The following XIRP2 variants were observed in gnomAD, a reference collection of about 807,000 sequenced individuals.
XIRP2 encodes the protein xin actin binding repeat containing 2, also known as xin actin-binding repeat-containing protein 2.
In XIRP2, 236 loss-of-function variants were observed where a neutral mutation model predicts 277.0. The observed-to-expected ratio is 0.85, with a 90% CI of 0.77 to 0.95. The LOEUF (loss-of-function observed/expected upper bound fraction) is 0.95, where lower values mean the gene tolerates loss of function less well. Ranked by LOEUF, XIRP2 falls within the 40% of genes least tolerant of loss-of-function variation. The pLI is 0.00. For synonymous variants in XIRP2, 1,490 were observed against 1,416.5 expected (o/e 1.05, Z -1.17); for missense variants, 4,640 against 4,157.5 (o/e 1.12, Z -3.19).
At chr2:167,188,936 AAAAATG>A (rs1693243740) in intron 3 of XIRP2, among the ~76,000 whole-genome samples, 1 of 152,186 alleles carries the variant, frequency 6.6e-6, no homozygotes, top group Non-Finnish European at 1.5e-5. Flanking sequence ...ATGTTCATGG[AAAAATG>A]TCAGTTTGGG....
At chr2:166,912,931 C>T (rs1167901083) in intron 2 of XIRP2, among the ~76,000 whole-genome samples, 1 of 152,158 alleles carries the variant, frequency 6.6e-6, no homozygotes, top group Non-Finnish European at 1.5e-5. Flanking sequence ...TATTGCTGAA[C>T]AGCAAATGTT....
chr2:167,033,889 A>G (rs971682097), intron 2 of XIRP2, among the ~76,000 whole-genome samples: 2 of 152,216 alleles, frequency 1.3e-5, no homozygotes, highest in African/African-American at 4.8e-5. Context: ...AAATTCTTCA[A>G]TCTGAAAGAA....
Position 167,254,121 on chromosome 2 carries a change from T to C in XIRP2, c.10645T>C (p.Ser3549Pro), listed in dbSNP as rs1695594437. Residue 3549 changes from serine (S) to proline (P), a missense_variant, in exon 10 of 11, where the codon TCA (serine) becomes CCA (proline). Physicochemically the swap from Ser to Pro is moderately conservative, Grantham distance 74. Coordinates refer to ENST00000409195, the MANE Select transcript of XIRP2 (RefSeq NM_152381.6). ...GCCTAGTGGCAGACAAGCAGAATTT[T>C]CATAAGTCCTGCTTCCGATGCCACC... ...GVPSGRQAEF[S>P] 1 of 1,610,824 alleles carries C rather than the reference T, an allele frequency of 6.2e-7. No individual in the cohort carries two copies. Among genetic ancestry groups the C allele is most frequent in the Non-Finnish European group, 8.5e-7 (1 of 1,178,208 alleles).
chr2:167,091,824 T>A (rs1690156551), intron 2 of XIRP2, among the ~76,000 whole-genome samples: 1 of 152,158 alleles, frequency 6.6e-6, no homozygotes, highest in African/African-American at 2.4e-5. Flanking sequence ...CAATCAGGGA[T>A]TGAGATCATT....
intron 2 of XIRP2, among the ~76,000 whole-genome samples, chr2:167,078,575 G>A (rs1269093213): frequency 1.3e-5 from 2 of 152,028 alleles, no homozygotes; most frequent in Non-Finnish European, 2.9e-5. Flanking sequence ...GGTGGCTCAC[G>A]CCTGTAATCC....
At chr2:167,229,673 C>T (rs1351996971) in intron 5 of XIRP2, among the ~76,000 whole-genome samples, 1 of 152,000 alleles carries the variant, frequency 6.6e-6, no homozygotes, top group Non-Finnish European at 1.5e-5. Flanking sequence ...TCAAGCTTCT[C>T]TATTCTTTTT....
chr2:167,087,093 G>T (rs1689974507), intron 2 of XIRP2, among the ~76,000 whole-genome samples: 1 of 151,752 alleles, frequency 6.6e-6, no homozygotes. Flanking sequence ...TTTGGTCTTT[G>T]ATGATGGTGA....
chr2:167,124,390 CT>C (rs1416385478), intron 2 of XIRP2: 3 of 152,078 alleles, frequency 2.0e-5, no homozygotes, highest in Non-Finnish European at 4.4e-5. Flanking sequence ...AGCCTATTTT[CT>C]TTATGTCTTT....
In XIRP2 at chr2:166,974,309, G is replaced by A. The variant is rs571745372; in HGVS notation, c.408+70419G>A. ...CTTCAGTATGAAGAAAAATGACACC[G>A]AGTAGAAACAATGCTCTAGAAAAAG... is the stretch of plus-strand genomic sequence containing the variant. On this transcript the variant is annotated intron_variant, in intron 2 of 10. Transcript: ENST00000409195. 2.6e-5 allele frequency among the ~76,000 whole-genome samples: 4 copies of A among 152,140 alleles called. No individual in the cohort carries two copies. In the East Asian group the frequency reaches 5.8e-4, roughly 22 times the overall value.
chr2:167,246,992 A>G lies in XIRP2; in HGVS notation c.5600A>G (p.Asn1867Ser). ...VTKTEEIIKGNMLATLKSLKE... is the reference protein window; with the variant it reads ...VTKTEEIIKGSMLATLKSLKE... ...AAAACAGAAGAAATTATAAAAGGTA[A>G]CATGCTAGCCACACTCAAGTCACTT... Residue 1867 changes from asparagine to serine, a missense_variant, in exon 9 of 11, where the codon AAC becomes AGC. Physicochemically the swap from Asn to Ser is conservative, Grantham distance 46. Transcript: ENST00000409195. 1.9e-6 allele frequency: 3 copies of G among 1,613,702 alleles called. No individual in the cohort carries two copies. The highest frequency in any genetic ancestry group is 1.7e-6 in the Non-Finnish European group (2 of 1,179,776).
Position 167,245,142 on chromosome 2 carries a change from G to C in XIRP2, c.3750G>C (p.Lys1250Asn), listed in dbSNP as rs750084112. The C allele has an allele frequency of 5.6e-6, 9 of 1,612,750 alleles. No homozygotes were observed. In the South Asian group the frequency reaches 8.8e-5, roughly 16 times the overall value. ...RWLFENQPID[K>N]IKESQEGDEC... ...TTTTTGAAAACCAACCAATTGATAA[G>C]ATAAAAGAAAGCCAAGAAGGTGATG... The change falls in exon 9 of 11, where the codon AAG becomes AAC. Residue 1250 changes from lysine to asparagine, a missense_variant. Physicochemically the swap from Lys to Asn is moderately conservative, Grantham distance 94 (BLOSUM62 0). Transcript: ENST00000409195.
At chr2:167,013,768 G>C (rs1687747157) in intron 2 of XIRP2, among the ~76,000 whole-genome samples, 1 of 151,454 alleles carries the variant, frequency 6.6e-6, no homozygotes, top group South Asian at 2.1e-4. Flanking sequence ...AATGATATAA[G>C]GATATCTTAA....
chr2:167,148,055 C>CA (rs1398467183), intron 3 of XIRP2, among the ~76,000 whole-genome samples: 1 of 151,688 alleles, frequency 6.6e-6, no homozygotes, highest in Admixed American at 6.6e-5. Context: ...AACTACTAGA[C>CA]AAAAAATAGA....
Position 167,248,182 on chromosome 2 carries a change from A to G in XIRP2, c.6790A>G (p.Lys2264Glu), listed in dbSNP as rs756326305. 1 of 1,613,810 alleles carries G rather than the reference A, an allele frequency of 6.2e-7. No homozygotes were observed. The highest frequency in any genetic ancestry group is 1.1e-5 in the South Asian group (1 of 91,078). The change falls in exon 9 of 11, where the codon AAA (lysine) becomes GAA (glutamate). Residue 2264 changes from lysine to glutamate, a missense_variant. By Grantham distance (56) the Lys-to-Glu change is moderately conservative. Coordinates refer to ENST00000409195, the MANE Select transcript of XIRP2 (RefSeq NM_152381.6). Reference protein sequence around the residue: ...LMKTNTSTGLKMAMERSLNPI... With the variant: ...LMKTNTSTGLEMAMERSLNPI... ...GAAAACAAATACTTCCACAGGCTTA[A>G]AAATGGCAATGGAAAGGTCCTTGAA...
chr2:166,937,446 G>A (rs914543264), intron 2 of XIRP2, among the ~76,000 whole-genome samples: 8 of 152,118 alleles, frequency 5.3e-5, no homozygotes, highest in South Asian at 2.1e-4. Flanking sequence ...GGATGAAGCC[G>A]ACTTGGTCAT....
intron 4 of XIRP2, among the ~76,000 whole-genome samples, chr2:167,211,405 A>C (rs942264465): frequency 6.6e-6 from 1 of 152,078 alleles, no homozygotes; most frequent in South Asian, 2.1e-4. Context: ...CTGAACTACT[A>C]TCTTAACTTC....
At chr2:167,211,021 T>C in intron 4 of XIRP2, 126 bp downstream of exon 4, 2 of 1,178,740 alleles carry the variant, frequency 1.7e-6, no homozygotes, top group Non-Finnish European at 2.3e-6. Flanking sequence ...ACAAAAATAG[T>C]GTGTGAAATA....
chr2:167,214,653 G>A (rs890818095), intron 4 of XIRP2, among the ~76,000 whole-genome samples: 8 of 151,892 alleles, frequency 5.3e-5, no homozygotes, highest in Non-Finnish European at 7.4e-5. Context: ...TGCAACCTCT[G>A]CCTCCTCAGT....
At chr2:167,106,409 T>G (rs1419311048) in intron 2 of XIRP2, among the ~76,000 whole-genome samples, 2 of 151,836 alleles carry the variant, frequency 1.3e-5, no homozygotes, top group African/African-American at 4.8e-5. Flanking sequence ...CAGCAATTAC[T>G]GAAAAGGTTA....
Sources: allele counts gnomAD v4.1 joint callset (sites outside exome capture counted in the v4.1 genomes callset), GRCh38; gene constraint gnomAD v4.1.1; transcripts MANE v1.5; gene names NCBI Gene and HGNC (gene_info 2026-07-23, HGNC 2026-07-21).